SKAP1: variants seen among roughly 807,000 people sequenced by gnomAD.
The protein encoded by SKAP1 is src kinase-associated phosphoprotein 1.
Under a neutral mutation model 58.5 loss-of-function variants are expected in SKAP1, and 44 were observed. The ratio of observed to expected loss-of-function variants is 0.75; its 90% CI spans 0.59 to 0.97. The LOEUF is 0.97. SKAP1 is among the 50% of genes least tolerant of loss of function. The pLI, the probability that SKAP1 is intolerant of heterozygous loss-of-function variation, is 0.00. For synonymous variants in SKAP1, 127 were observed against 149.7 expected, an observed-to-expected ratio of 0.85 and a Z score of 1.11; for missense variants, 390 against 435.2, an observed-to-expected ratio of 0.90 and a Z score of 0.92.
chr17:48,210,209 A>T (rs534151544), intron 4 of SKAP1, among the ~76,000 whole-genome samples: 5 of 152,288 alleles, frequency 3.3e-5, no homozygotes, highest in Admixed American at 3.3e-4. Flanking sequence ...TGGCACTGTT[A>T]TACGGAGCCA....
At chr17:48,257,624 CTTTCT>C (rs1228831749) in intron 4 of SKAP1, among the ~76,000 whole-genome samples, 1 of 108,604 alleles carries the variant, frequency 9.2e-6, no homozygotes, top group East Asian at 3.0e-4. Flanking sequence ...TTTTTTCTTT[CTTTCT>C]TTTTTTTTTT....
rs113118902 is a variant in SKAP1 at position 48,401,213 on chromosome 17, G to C, written c.47-4428C>G. On this transcript the variant is annotated intron_variant, in intron 1 of 12. Coordinates refer to ENST00000336915, the MANE Select transcript of SKAP1 (RefSeq NM_003726.4). ...CCCAGCCACTTGGGAGGCTGAGGCA[G>C]AATAATTGTTTGAACCTGGGAGGCC... Among the ~76,000 whole-genome samples, 310 of 151,990 alleles carry C rather than the reference G, an allele frequency of 2.0e-3. 1 individual carries two copies. The highest frequency in any genetic ancestry group is 7.3e-3 in the African/African-American group (301 of 41,428).
At chr17:48,141,668 T>C (rs962703614) in intron 11 of SKAP1, among the ~76,000 whole-genome samples, 3 of 152,188 alleles carry the variant, frequency 2.0e-5, no homozygotes, top group African/African-American at 7.2e-5. Context: ...TGAGCCACTG[T>C]GCCTGGCCAC....
chr17:48,195,682 A>C (rs1380607796), intron 4 of SKAP1, among the ~76,000 whole-genome samples: 2 of 152,210 alleles, frequency 1.3e-5, no homozygotes, highest in African/African-American at 4.8e-5. Context: ...AGAAGCTAGG[A>C]AACAGAACAT....
chr17:48,328,742 A>G (rs2066468711), intron 4 of SKAP1, among the ~76,000 whole-genome samples: 1 of 152,062 alleles, frequency 6.6e-6, no homozygotes, highest in South Asian at 2.1e-4. Context: ...TGGGCTTCTC[A>G]CATAAATTTA....
At chr17:48,195,326 G>T (rs1208134376) in intron 4 of SKAP1, among the ~76,000 whole-genome samples, 7 of 152,104 alleles carry the variant, frequency 4.6e-5, no homozygotes, top group Non-Finnish European at 1.0e-4. Context: ...CAAGGAAGTT[G>T]GTTTCAATGA....
chr17:48,328,036 C>T (rs1256074543), intron 4 of SKAP1, among the ~76,000 whole-genome samples: 1 of 152,142 alleles, frequency 6.6e-6, no homozygotes, highest in Admixed American at 6.5e-5. Context: ...TACTGAGAAA[C>T]AACAATGGCA....
intron 4 of SKAP1, among the ~76,000 whole-genome samples, chr17:48,246,451 T>C (rs191904622): frequency 6.6e-6 from 1 of 152,322 alleles, no homozygotes; most frequent in African/African-American, 2.4e-5. Context: ...CTCTACCTGT[T>C]AAAATCATAG....
At chr17:48,344,593 C>T (rs557891438) in intron 4 of SKAP1, among the ~76,000 whole-genome samples, 2 of 152,284 alleles carry the variant, frequency 1.3e-5, no homozygotes, top group Non-Finnish European at 2.9e-5. Flanking sequence ...TCCTGTTTTG[C>T]ACTGTTAATT....
At chr17:48,379,142 T>A (rs944125619) in intron 2 of SKAP1, among the ~76,000 whole-genome samples, 1 of 152,152 alleles carries the variant, frequency 6.6e-6, no homozygotes, top group Non-Finnish European at 1.5e-5. Flanking sequence ...AATGAAGAAT[T>A]TTTTCCCCCA....
At chr17:48,165,748 A>T (rs1303299345) in intron 10 of SKAP1, among the ~76,000 whole-genome samples, 1 of 152,136 alleles carries the variant, frequency 6.6e-6, no homozygotes, top group Non-Finnish European at 1.5e-5. Context: ...CCCAAGGGTG[A>T]GGCTTGCCTC....
At chr17:48,366,849 T>C (rs1000726476) in intron 2 of SKAP1, among the ~76,000 whole-genome samples, 3 of 152,168 alleles carry the variant, frequency 2.0e-5, no homozygotes, top group African/African-American at 7.2e-5. Context: ...TACATGTATG[T>C]GCACATGTGT....
intron 4 of SKAP1, among the ~76,000 whole-genome samples, chr17:48,239,868 G>GAGAC: frequency 6.6e-6 from 1 of 151,962 alleles, no homozygotes; most frequent in South Asian, 2.1e-4. Context: ...GAGAGAGAGA[G>GAGAC]AGAGAGAGAA....
At chr17:48,184,517 G>A (rs569115539) in intron 7 of SKAP1, among the ~76,000 whole-genome samples, 1 of 152,320 alleles carries the variant, frequency 6.6e-6, no homozygotes, top group South Asian at 2.1e-4. Context: ...GCCAAGCAAA[G>A]TCTGTATCTA....
chr17:48,288,469 T>C (rs1321836555), intron 4 of SKAP1, among the ~76,000 whole-genome samples: 1 of 152,206 alleles, frequency 6.6e-6, no homozygotes, highest in Non-Finnish European at 1.5e-5. Flanking sequence ...GTGGATCATC[T>C]GGGGTCAGGA....
At chr17:48,269,398 A>G (rs2065598173) in intron 4 of SKAP1, among the ~76,000 whole-genome samples, 1 of 152,168 alleles carries the variant, frequency 6.6e-6, no homozygotes, top group Non-Finnish European at 1.5e-5. Flanking sequence ...TACACTAGAG[A>G]CTGTTATCTG....
intron 4 of SKAP1, among the ~76,000 whole-genome samples, chr17:48,206,105 G>A (rs1486086626): frequency 6.6e-6 from 1 of 152,158 alleles, no homozygotes; most frequent in Non-Finnish European, 1.5e-5. Flanking sequence ...TGGAACTGAT[G>A]GATCATCTGG....
the SKAP1 span, among the ~76,000 whole-genome samples, chr17:48,437,283 C>A: frequency 6.6e-6 from 1 of 152,148 alleles, no homozygotes; most frequent in Non-Finnish European, 1.5e-5. Context: ...TCAGAAAGAC[C>A]TGGGTCCCGT....
intron 4 of SKAP1, among the ~76,000 whole-genome samples, chr17:48,198,607 G>C (rs2064679439): frequency 6.6e-6 from 1 of 151,756 alleles, no homozygotes; most frequent in Non-Finnish European, 1.5e-5. Context: ...GTGATGAAAT[G>C]AATCTGATGT....
Sources: gnomAD v4.1 joint callset for allele counts (sites outside exome capture counted in the v4.1 genomes callset) on GRCh38, gnomAD v4.1.1 for gene constraint, MANE v1.5 for transcripts, NCBI Gene and HGNC (gene_info 2026-07-23, HGNC 2026-07-21) for gene names.